The following LRRTM4 variants were observed in gnomAD, a reference collection of about 807,000 sequenced individuals.
The protein encoded by LRRTM4 is leucine rich repeat transmembrane neuronal 4.
LRRTM4 carries 25 observed loss-of-function variants against 47.6 expected under a neutral mutation model. That is an observed-to-expected ratio of 0.53 (90% confidence interval 0.38 to 0.73). LRRTM4 has a LOEUF of 0.73. LRRTM4 is among the 30% of genes least tolerant of loss of function. The pLI, the probability that LRRTM4 is intolerant of heterozygous loss-of-function variation, is 0.00. For synonymous variants in LRRTM4, 311 were observed against 269.5 expected (o/e 1.15, Z -1.51); for missense variants, 638 against 713.4 (o/e 0.89, Z 1.20).
At chr2:76,984,969 G>T (rs1412296978) in intron 3 of LRRTM4, among the ~76,000 whole-genome samples, 1 of 151,906 alleles carries the variant, frequency 6.6e-6, no homozygotes, top group Non-Finnish European at 1.5e-5. Context: ...TCTGAAATTT[G>T]GGGAAAATCA....
chr2:77,317,322 T>C (rs1324325362), intron 3 of LRRTM4, among the ~76,000 whole-genome samples: 2 of 152,162 alleles, frequency 1.3e-5, no homozygotes, highest in Non-Finnish European at 2.9e-5. Context: ...TTGTTATTCA[T>C]TCTCCAGTTA....
chr2:77,077,554 T>C (rs1366856401), intron 3 of LRRTM4, among the ~76,000 whole-genome samples: 1 of 152,172 alleles, frequency 6.6e-6, no homozygotes, highest in Non-Finnish European at 1.5e-5. Context: ...ACCCAGTTCA[T>C]TGGAGCTGTA....
At chr2:76,966,313 G>A (rs1198369815) in intron 3 of LRRTM4, among the ~76,000 whole-genome samples, 2 of 151,338 alleles carry the variant, frequency 1.3e-5, no homozygotes, top group Non-Finnish European at 3.0e-5. Context: ...AAAAGGAGGA[G>A]CAGGGAGCAA....
At chr2:76,852,558 T>A (rs1672029421) in intron 3 of LRRTM4, among the ~76,000 whole-genome samples, 1 of 152,174 alleles carries the variant, frequency 6.6e-6, no homozygotes, top group Non-Finnish European at 1.5e-5. Flanking sequence ...TGTTATTATT[T>A]ATTAAATTAG....
chr2:77,166,672 C>A (rs1573029869), intron 3 of LRRTM4, among the ~76,000 whole-genome samples: 1 of 152,284 alleles, frequency 6.6e-6, no homozygotes, highest in Admixed American at 6.5e-5. Flanking sequence ...ACCATCTGAT[C>A]TTTGACAAAC....
intron 3 of LRRTM4, among the ~76,000 whole-genome samples, chr2:76,797,550 G>A (rs990875671): frequency 3.3e-5 from 5 of 151,550 alleles, no homozygotes; most frequent in Non-Finnish European, 5.9e-5. Flanking sequence ...GGAAGAAACT[G>A]CATCAACTAA....
At chr2:77,217,442 T>A (rs1452421728) in intron 3 of LRRTM4, among the ~76,000 whole-genome samples, 52 of 87,698 alleles carry the variant, frequency 5.9e-4, no homozygotes, top group Middle Eastern at 5.6e-3. Flanking sequence ...CCAAATGAAA[T>A]ATATATATAT....
At chr2:77,514,225 C>T (rs1001786736) in intron 3 of LRRTM4, among the ~76,000 whole-genome samples, 31 of 151,910 alleles carry the variant, frequency 2.0e-4, no homozygotes, top group South Asian at 2.1e-4. Flanking sequence ...AGCTGTATGT[C>T]GATAAACTGT....
intron 3 of LRRTM4, among the ~76,000 whole-genome samples, chr2:77,025,392 G>A (rs1678419372): frequency 6.6e-6 from 1 of 152,152 alleles, no homozygotes. Flanking sequence ...TCTTGGAGGA[G>A]GTCTTGGGTA....
rs550760078 is a variant in LRRTM4 at position 77,156,707 on chromosome 2, CT to C, written c.1551+361610del. ...AAAGAAAGATACAATGAGCCTTCAA[CT>C]TTTTTTTTTTTTTTTTTGAGACAAG... On this transcript the variant is annotated intron_variant, in intron 3 of 3. Coordinates refer to ENST00000409884, the MANE Select transcript of LRRTM4 (RefSeq NM_001134745.3). Among the ~76,000 whole-genome samples, 1,121 of 136,118 alleles carry C rather than the reference CT, an allele frequency of 8.2e-3. 5 individuals carry two copies. Among genetic ancestry groups the C allele is most frequent in the African/African-American group, 0.016 (598 of 37,314 alleles). The allele number at this position is 136,118 out of a possible 152,430, so 89.3% of individuals were successfully genotyped here. A position where few individuals can be genotyped will look rare whatever the true frequency, so the allele number is the denominator to read the frequency against.
intron 3 of LRRTM4, among the ~76,000 whole-genome samples, chr2:76,802,963 A>G (rs1573135043): frequency 6.6e-6 from 1 of 152,190 alleles, no homozygotes; most frequent in African/African-American, 2.4e-5. Flanking sequence ...AAATTGATTG[A>G]AAACTTAAAT....
At chr2:76,857,644 T>C (rs1672194429) in intron 3 of LRRTM4, among the ~76,000 whole-genome samples, 1 of 152,140 alleles carries the variant, frequency 6.6e-6, no homozygotes, top group Non-Finnish European at 1.5e-5. Context: ...ACCAAATAAA[T>C]GTCCTGCATA....
intron 3 of LRRTM4, among the ~76,000 whole-genome samples, chr2:77,425,900 T>G (rs1675085100): frequency 6.6e-6 from 1 of 151,902 alleles, no homozygotes; most frequent in Admixed American, 6.6e-5. Flanking sequence ...GCGGATCACT[T>G]GAGACCAGGT....
intron 3 of LRRTM4, among the ~76,000 whole-genome samples, chr2:77,150,089 G>A (rs1487078363): frequency 6.6e-6 from 1 of 151,988 alleles, no homozygotes; most frequent in Non-Finnish European, 1.5e-5. Context: ...CAAATACTTT[G>A]ATACAGAATT....
intron 3 of LRRTM4, among the ~76,000 whole-genome samples, chr2:77,239,494 A>G (rs1675199729): frequency 6.6e-6 from 1 of 151,986 alleles, no homozygotes; most frequent in African/African-American, 2.4e-5. Flanking sequence ...AGAGATTGTC[A>G]GATGATTGGA....
chr2:76,859,798 G>C (rs943469485), intron 3 of LRRTM4, among the ~76,000 whole-genome samples: 2 of 151,708 alleles, frequency 1.3e-5, no homozygotes, highest in Non-Finnish European at 2.9e-5. Context: ...TGTATCCCCT[G>C]GTTGTGACCT....
chr2:76,831,054 AATG>A (rs1484630556), intron 3 of LRRTM4, among the ~76,000 whole-genome samples: 6 of 152,126 alleles, frequency 3.9e-5, no homozygotes, highest in African/African-American at 1.4e-4. Context: ...TTACAAAGTT[AATG>A]ATGATTTACC....
intron 3 of LRRTM4, among the ~76,000 whole-genome samples, chr2:77,402,884 T>C (rs1289686844): frequency 6.6e-6 from 1 of 152,022 alleles, no homozygotes; most frequent in East Asian, 1.9e-4. Flanking sequence ...TGGATATCTA[T>C]ACTTGAAAAT....
At chr2:76,812,796 C>CT (rs1259130785) in intron 3 of LRRTM4, among the ~76,000 whole-genome samples, 1 of 130,762 alleles carries the variant, frequency 7.6e-6, no homozygotes, top group African/African-American at 2.9e-5. Context: ...CTCCCTCCCC[C>CT]CCCTCCTCCT....
Sources: gnomAD v4.1 joint callset for allele counts (sites outside exome capture counted in the v4.1 genomes callset) on GRCh38, gnomAD v4.1.1 for gene constraint, MANE v1.5 for transcripts, NCBI Gene and HGNC (gene_info 2026-07-23, HGNC 2026-07-21) for gene names.